The following PTPN4 variants were observed in gnomAD, a reference collection of about 807,000 sequenced individuals.
PTPN4 encodes the protein tyrosine-protein phosphatase non-receptor type 4.
PTPN4 carries 49 observed loss-of-function variants against 135.5 expected under a neutral mutation model. The ratio of observed to expected loss-of-function variants is 0.36; its 90% confidence interval spans 0.29 to 0.46. The LOEUF (loss-of-function observed/expected upper bound fraction) is 0.46. Among genes scored for constraint, PTPN4 ranks in the 20% least tolerant of loss-of-function variants. The pLI, the probability that PTPN4 is intolerant of heterozygous loss-of-function variation, is 1.00. For missense variants in PTPN4, 860 were observed against 1,101.0 expected (o/e 0.78, Z 3.10); for synonymous variants, 333 against 369.9 (o/e 0.90, Z 1.14).
At chr2:119,904,510 T>C (rs1574397331) in intron 10 of PTPN4, among the ~76,000 whole-genome samples, 1 of 151,874 alleles carries the variant, frequency 6.6e-6, no homozygotes, top group East Asian at 1.9e-4. Context: ...GCTTCCCAAC[T>C]CTTGCAAGAC....
chr2:119,884,869 A>G (rs1292185744), intron 8 of PTPN4, among the ~76,000 whole-genome samples: 2 of 152,138 alleles, frequency 1.3e-5, no homozygotes, highest in African/African-American at 4.8e-5. Context: ...TTCTAGTAGC[A>G]TTAGTGAATA....
At chr2:119,904,747 A>T (rs1002091173) in intron 10 of PTPN4, among the ~76,000 whole-genome samples, 3 of 152,242 alleles carry the variant, frequency 2.0e-5, no homozygotes, top group African/African-American at 7.2e-5. Flanking sequence ...GTATATTCAA[A>T]CTGCAGATAA....
Position 119,938,378 on chromosome 2 carries a change from C to T in PTPN4, c.1355+3420C>T, listed in dbSNP as rs543667559. ...TCCTGACCTTGTGATCCACCCACCT[C>T]GGCCTCCCAAAGTGCTGGGATTACA... On this transcript the variant is annotated intron_variant, in intron 15 of 26. Transcript: ENST00000263708. Among the ~76,000 whole-genome samples the T allele has an allele frequency of 1.5e-4, 23 of 152,054 alleles. No individual in the cohort carries two copies. In the East Asian group the frequency reaches 3.1e-3, roughly 21 times the overall value.
chr2:119,909,301 T>G (rs1291344075), intron 10 of PTPN4, among the ~76,000 whole-genome samples: 1 of 152,196 alleles, frequency 6.6e-6, no homozygotes, highest in Non-Finnish European at 1.5e-5. Context: ...TTGAAGCCAG[T>G]GCTCATTTAC....
intron 23 of PTPN4, 148 bp from the exon 24 acceptor site, chr2:119,962,468 A>T: frequency 2.7e-6 from 1 of 370,756 alleles, no homozygotes; most frequent in Non-Finnish European, 4.2e-6. Flanking sequence ...AAAAAAAAAC[A>T]CTAGTCAGCA....
At chr2:119,887,342 C>G (rs1172255769) in intron 9 of PTPN4, among the ~76,000 whole-genome samples, 5 of 152,154 alleles carry the variant, frequency 3.3e-5, no homozygotes, top group African/African-American at 1.2e-4. Flanking sequence ...AAAAAATGAC[C>G]TGGGCATGGT....
chr2:119,786,385 C>T (rs1457530857), intron 1 of PTPN4, among the ~76,000 whole-genome samples: 2 of 152,162 alleles, frequency 1.3e-5, no homozygotes, highest in African/African-American at 2.4e-5. Context: ...TGATTTAAAA[C>T]AATAACAGTA....
Position 119,762,808 on chromosome 2 carries a change from TACTA to T in PTPN4, c.-18+2428_-18+2431del, listed in dbSNP as rs564238449. Among the ~76,000 whole-genome samples, 48 of 152,310 alleles carry T rather than the reference TACTA, an allele frequency of 3.2e-4. 2 individuals carry two copies. The highest frequency in any genetic ancestry group is 3.4e-3 in the Middle Eastern group (1 of 294). Reference sequence around the variant, plus strand: ...TAAAATTTAGTTATTGGTAGAAGTTTACTAACTGAGTTGAATTTTGTTGTTTTCC... The same window carrying T: ...TAAAATTTAGTTATTGGTAGAAGTTTACTGAGTTGAATTTTGTTGTTTTCC... On this transcript the variant is annotated intron_variant, in intron 1 of 26. Transcript: ENST00000263708.
rs564835618 is a variant in PTPN4, at chr2:119,984,613, C to T, written c.*7543C>T. ...ATTTGTCACTGCAGCTTACTGTATG[C>T]TTGAAAGGCCTTGTGTGTTTGTCTT... On this transcript the variant is annotated 3_prime_UTR_variant, in exon 27 of 27. Transcript: ENST00000263708. 3.3e-5 allele frequency among the ~76,000 whole-genome samples: 5 copies of T among 152,266 alleles called. No homozygotes were observed. The South Asian group carries it at 1.0e-3, about 32-fold the overall frequency.
chr2:119,829,822 A>C lies in PTPN4; in HGVS notation c.138+19831A>C, dbSNP rs193242353. Among the ~76,000 whole-genome samples, 1,118 of 152,250 alleles carry C rather than the reference A, an allele frequency of 7.3e-3. 13 individuals carry two copies. The highest frequency in any genetic ancestry group is 0.025 in the African/African-American group (1,056 of 41,556). ...CAAGTCTTTGTTTTCAATTCTTTGG[A>C]GTCTATACCTAGGAGGAGCATTTCT... On this transcript the variant is annotated intron_variant, in intron 2 of 26. Coordinates refer to ENST00000263708, the MANE Select transcript of PTPN4 (RefSeq NM_002830.4).
chr2:119,895,309 T>C (rs1678304528), intron 9 of PTPN4, among the ~76,000 whole-genome samples: 1 of 152,200 alleles, frequency 6.6e-6, no homozygotes. Flanking sequence ...ACTGTTAACA[T>C]GTGATAGTAG....
chr2:119,947,090 T>C lies in PTPN4; in HGVS notation c.1656+516T>C, dbSNP rs190640525. On this transcript the variant is annotated intron_variant, in intron 18 of 26. Transcript: ENST00000263708. ...ACTCATTGTTCAGCTTCCACAATCA[T>C]GAACTTTCTGTTCATCATAGGACAA... Among the ~76,000 whole-genome samples the C allele has an allele frequency of 3.9e-3, 588 of 152,340 alleles. 3 individuals are homozygous for C. The highest frequency in any genetic ancestry group is 0.014 in the Middle Eastern group (4 of 294).
intron 1 of PTPN4, among the ~76,000 whole-genome samples, chr2:119,804,035 A>G (rs1189427570): frequency 1.3e-5 from 2 of 151,902 alleles, no homozygotes; most frequent in Non-Finnish European, 1.5e-5. Flanking sequence ...CTGTATTGTT[A>G]TATGTGAGGA....
At chr2:119,897,506 G>A (rs1236253581) in intron 9 of PTPN4, among the ~76,000 whole-genome samples, 1 of 151,968 alleles carries the variant, frequency 6.6e-6, no homozygotes, top group African/African-American at 2.4e-5. Flanking sequence ...GGTTCTTAGG[G>A]CTCAAAGAAT....
At position 119,965,400 on chromosome 2, in the gene PTPN4, C is replaced by A. The variant is rs976828314; in HGVS notation, c.2410-97C>A. 4 of 1,186,604 alleles carry A rather than the reference C, an allele frequency of 3.4e-6. No homozygotes were observed. The African/African-American group carries it at 4.7e-5, about 14-fold the overall frequency. 73.5% of individuals were successfully genotyped at this position (1,186,604 alleles called of 1,614,324 possible). A position where few individuals can be genotyped will look rare whatever the true frequency, so the allele number is the denominator to read the frequency against. ...CTGCAAGCTGTGTTTAGTTTTCTAT[C>A]TCCCCCTCCCTTCTTTCCTGATGAA... On this transcript the variant is annotated intron_variant, in intron 24 of 26. Coordinates refer to ENST00000263708, the MANE Select transcript of PTPN4 (RefSeq NM_002830.4).
At chr2:119,897,261 C>G (rs1228416628) in intron 9 of PTPN4, among the ~76,000 whole-genome samples, 2 of 152,078 alleles carry the variant, frequency 1.3e-5, no homozygotes, top group African/African-American at 4.8e-5. Context: ...TGATCTTGGT[C>G]TAGCTTTGAT....
At chr2:119,935,654 T>C (rs1215307467) in intron 15 of PTPN4, among the ~76,000 whole-genome samples, 1 of 152,212 alleles carries the variant, frequency 6.6e-6, no homozygotes, top group Non-Finnish European at 1.5e-5. Context: ...TGTACAATGA[T>C]ACCTGTGGGG....
At chr2:119,943,987 G>A (rs1264837366) in intron 15 of PTPN4, among the ~76,000 whole-genome samples, 3 of 152,094 alleles carry the variant, frequency 2.0e-5, no homozygotes, top group African/African-American at 4.8e-5. Flanking sequence ...CAGGCCTAAT[G>A]TCAGTGGGGG....
chr2:119,955,522 A>G (rs980698571), intron 20 of PTPN4, among the ~76,000 whole-genome samples, 199 bp downstream of exon 20: 4 of 152,244 alleles, frequency 2.6e-5, no homozygotes, highest in African/African-American at 7.2e-5. Flanking sequence ...TAAATAGAAT[A>G]TGTTTTAAAA....
Sources: gnomAD v4.1 joint callset for allele counts (sites outside exome capture counted in the v4.1 genomes callset) on GRCh38, gnomAD v4.1.1 for gene constraint, MANE v1.5 for transcripts, NCBI Gene and HGNC (gene_info 2026-07-23, HGNC 2026-07-21) for gene names.